The following PCDHA10 variants were observed in gnomAD, a reference collection of about 807,000 sequenced individuals.
PCDHA10 encodes protocadherin alpha-10.
In PCDHA10, 45 loss-of-function variants were observed where a neutral mutation model predicts 61.2. The ratio of observed to expected loss-of-function variants is 0.74; its 90% CI spans 0.58 to 0.94. The LOEUF (loss-of-function observed/expected upper bound fraction) is 0.94. Ranked by LOEUF, PCDHA10 falls within the 40% of genes least tolerant of loss-of-function variation. The pLI, the probability that PCDHA10 is intolerant of heterozygous loss-of-function variation, is 0.00. For synonymous variants in PCDHA10, 602 were observed against 548.8 expected, an observed-to-expected ratio of 1.10 and a Z score of -1.35; for missense variants, 1,278 against 1,236.2, an observed-to-expected ratio of 1.03 and a Z score of -0.51.
At chr5:140,934,171 A>C (rs965826085) in intron 1 of PCDHA10, among the ~76,000 whole-genome samples, 11 of 152,160 alleles carry the variant, frequency 7.2e-5, no homozygotes, top group African/African-American at 2.7e-4. Context: ...GTGCAACAGA[A>C]GTACTCTAAA....
At chr5:140,966,654 T>C in intron 1 of PCDHA10, 1 of 1,185,100 alleles carries the variant, frequency 8.4e-7, no homozygotes, top group Non-Finnish European at 1.1e-6. Flanking sequence ...GCGTGAGCGG[T>C]GGGGGAGCAG....
At chr5:140,902,702 C>T (rs78828243) in intron 1 of PCDHA10, among the ~76,000 whole-genome samples, 7,835 of 152,116 alleles carry the variant, frequency 0.052, 268 homozygotes, top group Admixed American at 0.075. Flanking sequence ...AGTCTTTTAT[C>T]TTTCACTCCC....
chr5:141,009,339 G>A (rs1328874922), intron 3 of PCDHA10, among the ~76,000 whole-genome samples: 13 of 152,168 alleles, frequency 8.5e-5, no homozygotes, highest in African/African-American at 3.1e-4. Context: ...TGTGCCTGTA[G>A]TTCCAGCTAC....
At chr5:140,873,255 C>T (rs1554166636) in intron 1 of PCDHA10, among the ~76,000 whole-genome samples, 1 of 152,074 alleles carries the variant, frequency 6.6e-6, no homozygotes, top group South Asian at 2.1e-4. Context: ...ATTTCAGACT[C>T]AAAAGTGATT....
intron 1 of PCDHA10, among the ~76,000 whole-genome samples, chr5:140,925,538 C>T (rs1387501905): frequency 6.6e-6 from 1 of 151,860 alleles, no homozygotes; most frequent in Non-Finnish European, 1.5e-5. Flanking sequence ...AGGAGAAATA[C>T]CTAATGTAAA....
intron 1 of PCDHA10, among the ~76,000 whole-genome samples, chr5:140,888,729 T>G (rs1214867910): frequency 6.6e-6 from 1 of 152,156 alleles, no homozygotes; most frequent in Admixed American, 6.5e-5. Context: ...CAGCCCTTTG[T>G]GAGCTCTAGG....
chr5:140,947,938 A>G (rs2094195228), intron 1 of PCDHA10, among the ~76,000 whole-genome samples: 1 of 151,536 alleles, frequency 6.6e-6, no homozygotes, highest in African/African-American at 2.4e-5. Context: ...CTTATGAGAA[A>G]AGTGTTCCAT....
chr5:140,857,549 C>G lies in PCDHA10; in HGVS notation c.1501C>G (p.Arg501Gly), dbSNP rs1554150197. ...YSLVERRLGE[R>G]SLSSYVSVHA... ...TCTGGTGGAGCGGCGGTTGGGCGAG[C>G]GCTCGCTGTCGAGCTACGTGTCGGT... Residue 501 changes from arginine (R) to glycine (G), a missense_variant, in exon 1 of 4, where the codon CGC becomes GGC. Physicochemically the swap from Arg to Gly is moderately radical, Grantham distance 125. Coordinates refer to ENST00000307360, the MANE Select transcript of PCDHA10 (RefSeq NM_018901.4). 1 of 1,596,826 alleles carries G rather than the reference C, an allele frequency of 6.3e-7. No homozygotes were observed. The highest frequency in any genetic ancestry group is 1.7e-5 in the Admixed American group (1 of 59,300).
At chr5:140,940,564 T>G (rs1481591678) in intron 1 of PCDHA10, among the ~76,000 whole-genome samples, 2 of 152,228 alleles carry the variant, frequency 1.3e-5, no homozygotes, top group African/African-American at 4.8e-5. Flanking sequence ...TTCTCCTACC[T>G]TGGCTCCCAA....
At chr5:140,879,844 C>A (rs1333807567) in intron 1 of PCDHA10, among the ~76,000 whole-genome samples, 1 of 152,194 alleles carries the variant, frequency 6.6e-6, no homozygotes, top group East Asian at 1.9e-4. Context: ...CTGTACCACT[C>A]CCATCTCAGC....
intron 1 of PCDHA10, chr5:140,869,653 A>G: frequency 6.2e-7 from 1 of 1,613,586 alleles, no homozygotes. Flanking sequence ...AGATTCACCA[A>G]CAAATGGTAA....
intron 1 of PCDHA10, among the ~76,000 whole-genome samples, chr5:140,961,969 C>T (rs188846719): frequency 1.5e-4 from 23 of 151,904 alleles, no homozygotes; most frequent in African/African-American, 5.1e-4. Flanking sequence ...CTGCAACCTC[C>T]GCCTCCTGGG....
intron 1 of PCDHA10, chr5:140,869,778 C>G (rs782226363): frequency 6.2e-7 from 1 of 1,612,924 alleles, no homozygotes. Flanking sequence ...TTACTGGCAC[C>G]GTTCGGCTGT....
At chr5:140,930,711 C>G (rs10214249) in intron 1 of PCDHA10, among the ~76,000 whole-genome samples, 2,020 of 152,280 alleles carry the variant, frequency 0.013, 38 homozygotes, top group African/African-American at 0.046. Flanking sequence ...TATTCTTCCT[C>G]AAGTAATGAT....
intron 1 of PCDHA10, among the ~76,000 whole-genome samples, chr5:140,894,932 A>G (rs2064735231): frequency 6.6e-6 from 1 of 152,184 alleles, no homozygotes; most frequent in Non-Finnish European, 1.5e-5. Flanking sequence ...ATTTCTATTC[A>G]GCTATTGTCA....
intron 2 of PCDHA10, among the ~76,000 whole-genome samples, chr5:140,981,439 T>C (rs1468864699): frequency 6.6e-6 from 1 of 152,128 alleles, no homozygotes; most frequent in Non-Finnish European, 1.5e-5. Flanking sequence ...CCAGGCATGG[T>C]GGCGGGTGCC....
chr5:140,902,621 TATTTAGTGGTG>T (rs2069605868), intron 1 of PCDHA10, among the ~76,000 whole-genome samples: 1 of 152,154 alleles, frequency 6.6e-6, no homozygotes, highest in Non-Finnish European at 1.5e-5. Context: ...ATGGGTAAGT[TATTTAGTGGTG>T]ATTTCTGAGA....
chr5:140,947,290 T>G (rs1554218137), intron 1 of PCDHA10, among the ~76,000 whole-genome samples: 2 of 151,614 alleles, frequency 1.3e-5, no homozygotes, highest in Non-Finnish European at 3.0e-5. Context: ...TTTTATTGCA[T>G]TATCTTGACA....
chr5:140,914,145 G>A lies in PCDHA10; in HGVS notation c.2388+55709G>A, dbSNP rs2076623510. Among the ~76,000 whole-genome samples the A allele has an allele frequency of 3.3e-5, 5 of 152,138 alleles. 1 individual carries two copies. The South Asian group carries it at 1.0e-3, about 32-fold the overall frequency. On this transcript the variant is annotated intron_variant, in intron 1 of 3. Transcript: ENST00000307360. ...TTCTTTGTTGAGTTTTTGTCTGTCAGTTCTGTCCAATACGGAAAGTGGGGT... is the reference window on the plus strand; with the variant it reads ...TTCTTTGTTGAGTTTTTGTCTGTCAATTCTGTCCAATACGGAAAGTGGGGT...
Sources: allele counts gnomAD v4.1 joint callset (sites outside exome capture counted in the v4.1 genomes callset), GRCh38; gene constraint gnomAD v4.1.1; transcripts MANE v1.5; gene names NCBI Gene and HGNC (gene_info 2026-07-23, HGNC 2026-07-21).